The following CTDP1 variants were observed in gnomAD, a reference collection of about 807,000 sequenced individuals.
CTDP1 encodes the protein RNA polymerase II subunit A C-terminal domain phosphatase.
Under a neutral mutation model 91.8 loss-of-function variants are expected in CTDP1, and 47 were observed. The observed-to-expected ratio is 0.51, with a 90% confidence interval of 0.41 to 0.65. CTDP1 has a LOEUF of 0.65. Among genes scored for constraint, CTDP1 ranks in the 30% least tolerant of loss-of-function variants. The probability of loss-of-function intolerance (pLI) is 0.00; values close to 1 mark genes in which losing one functional copy is unlikely to be tolerated. For missense variants in CTDP1, 1,272 were observed against 1,373.7 expected, an observed-to-expected ratio of 0.93 and a Z score of 1.17; for synonymous variants, 656 against 598.5, an observed-to-expected ratio of 1.10 and a Z score of -1.40.
At chr18:79,682,904 C>G (rs1013854197) in intron 1 of CTDP1, 1 of 152,236 alleles carries the variant, frequency 6.6e-6, no homozygotes, top group African/African-American at 2.4e-5. Context: ...TAGTTCTCAT[C>G]CCTGCGACGC....
intron 12 of CTDP1, among the ~76,000 whole-genome samples, chr18:79,739,428 C>T (rs2086730387): frequency 6.6e-6 from 1 of 151,302 alleles, no homozygotes; most frequent in Non-Finnish European, 1.5e-5. Flanking sequence ...TGCTAAATGA[C>T]CTGCGCACGG....
chr18:79,742,127 CA>C lies in CTDP1; in HGVS notation c.2747+5607del, dbSNP rs1288035867. Among the ~76,000 whole-genome samples, 14 of 132,796 alleles carry C rather than the reference CA, an allele frequency of 1.1e-4. 1 individual carries two copies. Among genetic ancestry groups the C allele is most frequent in the Non-Finnish European group, 2.3e-4 (14 of 62,058 alleles). The allele number at this position is 132,796 out of a possible 152,430, so 87.1% of individuals were successfully genotyped here. On this transcript the variant is annotated intron_variant, in intron 12 of 12. Coordinates refer to ENST00000613122, the MANE Select transcript of CTDP1 (RefSeq NM_004715.5). ...GAGGCATGAGGTGGAGGCCTGGGGG[CA>C]GCAGAGGAGGCATGAGGTGGAGGCC...
chr18:79,679,498 G>A (rs893368247), upstream of CTDP1: 15 of 456,996 alleles, frequency 3.3e-5, no homozygotes, highest in African/African-American at 2.8e-4. Context: ...ACGCAGGCCT[G>A]CGTTGAACGC....
intron 4 of CTDP1, among the ~76,000 whole-genome samples, chr18:79,700,415 A>G (rs994179879): frequency 6.6e-6 from 1 of 152,254 alleles, no homozygotes; most frequent in African/African-American, 2.4e-5. Context: ...AAACAGCCTT[A>G]TTGCTGAGAA....
chr18:79,710,496 C>T (rs1329230193), intron 6 of CTDP1, 60 bp downstream of exon 6: 6 of 1,287,862 alleles, frequency 4.7e-6, no homozygotes, highest in African/African-American at 1.5e-5. Flanking sequence ...TTTCAAAAAT[C>T]GCATCTTGAA....
chr18:79,695,417 C>T (rs574044041), intron 2 of CTDP1, 109 bp downstream of exon 2: 5 of 981,522 alleles, frequency 5.1e-6, no homozygotes, highest in African/African-American at 1.6e-5. Context: ...GGTTTCCCAG[C>T]GGCAGATGCA....
Position 79,702,286 on chromosome 18 carries a change from T to TG in CTDP1, c.622-2480dup, listed in dbSNP as rs376243716. On this transcript the variant is annotated intron_variant, in intron 4 of 12. Transcript: ENST00000613122. ...CAGTCAGCAGCCATCAGCATCAAGG[T>TG]GAGACCCTGCGCCGACAGAAAGACT... Among the ~76,000 whole-genome samples the TG allele has an allele frequency of 4.0e-3, 614 of 152,316 alleles. 8 individuals carry two copies. Among genetic ancestry groups the TG allele is most frequent in the African/African-American group, 0.014 (562 of 41,574 alleles).
At position 79,715,409 on chromosome 18, in the gene CTDP1, C is replaced by A; in HGVS notation, c.1949C>A (p.Pro650Gln). 6.2e-7 allele frequency: 1 copy of A among 1,602,988 alleles called. No homozygotes were observed. The highest frequency in any genetic ancestry group is 8.5e-7 in the Non-Finnish European group (1 of 1,174,750). Residue 650 changes from proline to glutamine, a missense_variant, in exon 8 of 13, where the codon CCG becomes CAG. Coordinates refer to ENST00000613122, the MANE Select transcript of CTDP1 (RefSeq NM_004715.5). ...AGTGGGCTACACCCGACAAACTTCC[C>A]GATAGAGAAGACGCGGGAGCATTAC... ...IFSGLHPTNF[P>Q]IEKTREHYHA... is the part of the protein sequence containing the mutation.
intron 10 of CTDP1, among the ~76,000 whole-genome samples, chr18:79,726,919 C>T (rs1181001695): frequency 3.2e-5 from 4 of 124,310 alleles, no homozygotes; most frequent in South Asian, 2.7e-4. Context: ...GGGATGACGC[C>T]GTTGCTGGTG....
At chr18:79,686,510 G>A (rs2085496960) in intron 1 of CTDP1, among the ~76,000 whole-genome samples, 1 of 152,226 alleles carries the variant, frequency 6.6e-6, no homozygotes, top group Non-Finnish European at 1.5e-5. Flanking sequence ...TGAAGAGATG[G>A]TCTTGGTAGG....
intron 12 of CTDP1, among the ~76,000 whole-genome samples, chr18:79,751,972 C>T (rs945331173): frequency 2.0e-5 from 3 of 152,238 alleles, no homozygotes; most frequent in African/African-American, 7.2e-5. Flanking sequence ...AAAATCAAAA[C>T]AGGCTGTGCA....
upstream of CTDP1, chr18:79,679,495 C>T (rs1395365689): frequency 2.2e-6 from 1 of 456,990 alleles, no homozygotes; most frequent in East Asian, 6.9e-5. Flanking sequence ...GGCACGCAGG[C>T]CTGCGTTGAA....
chr18:79,684,021 G>A (rs959691327), intron 1 of CTDP1, among the ~76,000 whole-genome samples: 2 of 152,250 alleles, frequency 1.3e-5, no homozygotes, highest in Non-Finnish European at 2.9e-5. Flanking sequence ...TGAAAACATA[G>A]CATTAAATCT....
intron 12 of CTDP1, among the ~76,000 whole-genome samples, chr18:79,744,999 T>C (rs1254193718): frequency 6.6e-6 from 1 of 152,136 alleles, no homozygotes; most frequent in Non-Finnish European, 1.5e-5. Context: ...AACAGCCCCA[T>C]GTCCATGGCC....
intron 1 of CTDP1, among the ~76,000 whole-genome samples, chr18:79,694,262 C>T (rs1479394068): frequency 8.0e-6 from 1 of 124,408 alleles, no homozygotes; most frequent in African/African-American, 3.3e-5. Flanking sequence ...GTGGGGGCTA[C>T]AGGCACCTAG....
intron 1 of CTDP1, among the ~76,000 whole-genome samples, chr18:79,691,061 C>T (rs1012860080): frequency 6.6e-6 from 1 of 152,212 alleles, no homozygotes; most frequent in Admixed American, 6.5e-5. Context: ...TCACCTGCTT[C>T]CTACTCGTCT....
At chr18:79,735,312 G>A (rs554080810) in intron 11 of CTDP1, among the ~76,000 whole-genome samples, 2 of 152,338 alleles carry the variant, frequency 1.3e-5, no homozygotes, top group African/African-American at 2.4e-5. Context: ...AACAGCCTGC[G>A]CTGGGGGACT....
intron 5 of CTDP1, among the ~76,000 whole-genome samples, 190 bp from the exon 6 acceptor site, chr18:79,710,156 A>G (rs2086050425): frequency 6.6e-6 from 1 of 152,210 alleles, no homozygotes; most frequent in Non-Finnish European, 1.5e-5. Flanking sequence ...TGTTTGAGAA[A>G]TAAGTTCACC....
chr18:79,754,515 G>C (rs1286272930), downstream of CTDP1: 1 of 152,656 alleles, frequency 6.6e-6, no homozygotes, highest in Admixed American at 6.5e-5. Context: ...TTCTCTTCTC[G>C]TGGGTGTGTG....
Sources: gnomAD v4.1 joint callset for allele counts (sites outside exome capture counted in the v4.1 genomes callset) on GRCh38, gnomAD v4.1.1 for gene constraint, MANE v1.5 for transcripts, NCBI Gene and HGNC (gene_info 2026-07-23, HGNC 2026-07-21) for gene names.